CNTN5: variants seen among roughly 807,000 people sequenced by gnomAD.
The protein encoded by CNTN5 is contactin-5.
A neutral mutation model predicts 129.1 loss-of-function variants in CNTN5; 77 were observed. The ratio of observed to expected loss-of-function variants is 0.60; its 90% CI spans 0.50 to 0.72. The LOEUF (loss-of-function observed/expected upper bound fraction) is 0.72, where lower values mean the gene tolerates loss of function less well. Ranked by LOEUF, CNTN5 falls within the 30% of genes least tolerant of loss-of-function variation. CNTN5 has a pLI of 0.00. For synonymous variants in CNTN5, 509 were observed against 465.6 expected (o/e 1.09, Z -1.20); for missense variants, 1,478 against 1,328.8 (o/e 1.11, Z -1.75).
chr11:99,898,090 T>TGCC (rs1949256198), intron 6 of CNTN5, among the ~76,000 whole-genome samples: 1 of 151,714 alleles, frequency 6.6e-6, no homozygotes, highest in Admixed American at 6.6e-5. Flanking sequence ...TAAGAGGAAA[T>TGCC]TTTATAGCAT....
intron 9 of CNTN5, among the ~76,000 whole-genome samples, chr11:100,005,919 A>G (rs7113025): frequency 0.36 from 55,222 of 151,882 alleles, 11,168 homozygotes; most frequent in African/African-American, 0.54. Context: ...ATAAATCACT[A>G]TTTTTTATCA....
At chr11:99,545,715 T>G (rs1228354585) in intron 2 of CNTN5, among the ~76,000 whole-genome samples, 3 of 152,222 alleles carry the variant, frequency 2.0e-5, no homozygotes, top group Non-Finnish European at 4.4e-5. Flanking sequence ...AATTATATGT[T>G]GAAAACTATT....
chr11:99,933,216 C>G (rs891872927), intron 7 of CNTN5, among the ~76,000 whole-genome samples: 3 of 152,142 alleles, frequency 2.0e-5, no homozygotes, highest in Middle Eastern at 3.4e-3. Context: ...GAAATAGAAA[C>G]AAATAGAAAA....
chr11:99,121,135 C>CTT (rs575121058), intron 1 of CNTN5, among the ~76,000 whole-genome samples: 7 of 125,212 alleles, frequency 5.6e-5, no homozygotes, highest in South Asian at 4.9e-4. Context: ...TTCTTTCTTT[C>CTT]TTTTTTTTTT....
chr11:99,847,928 G>C (rs912225978), intron 6 of CNTN5, among the ~76,000 whole-genome samples: 1 of 152,024 alleles, frequency 6.6e-6, no homozygotes, highest in Admixed American at 6.6e-5. Context: ...AAATTAGTCC[G>C]CAGGCTGGGC....
intron 1 of CNTN5, among the ~76,000 whole-genome samples, chr11:99,323,867 G>A (rs1865671561): frequency 6.6e-6 from 1 of 151,918 alleles, no homozygotes; most frequent in South Asian, 2.1e-4. Flanking sequence ...AAGAATGAAG[G>A]GAGAAGAAAA....
intron 2 of CNTN5, among the ~76,000 whole-genome samples, chr11:99,480,904 G>A (rs1504727): frequency 0.97 from 148,365 of 152,230 alleles, 72,433 homozygotes; most frequent in East Asian, 1. Context: ...GAAGAGGATG[G>A]TTTTCGATTC....
chr11:99,723,777 C>T (rs555716868), intron 3 of CNTN5, among the ~76,000 whole-genome samples: 2 of 143,246 alleles, frequency 1.4e-5, no homozygotes, highest in South Asian at 2.3e-4. Context: ...TGTGTGCATG[C>T]GTGTGCATGC....
At chr11:99,801,541 A>G (rs1291250485) in intron 3 of CNTN5, among the ~76,000 whole-genome samples, 3 of 152,060 alleles carry the variant, frequency 2.0e-5, no homozygotes, top group Non-Finnish European at 4.4e-5. Flanking sequence ...GATAATTTAC[A>G]TTTTCTCCTT....
rs934292085 is a variant in CNTN5, at chr11:99,653,304, T to C, written c.55+97035T>C. 2.0e-5 allele frequency among the ~76,000 whole-genome samples: 3 copies of C among 152,168 alleles called. 1 individual carries two copies. Among genetic ancestry groups the C allele is most frequent in the Middle Eastern group, 6.8e-3 (2 of 294 alleles). ...GGTACATTTAGGGCAAGACATTTTT[T>C]TATAAGCTTGTTTATCTCATCTTTT... On this transcript the variant is annotated intron_variant, in intron 3 of 24. Coordinates refer to ENST00000524871, the MANE Select transcript of CNTN5 (RefSeq NM_014361.4).
chr11:99,598,332 C>T (rs1241607733), intron 3 of CNTN5, among the ~76,000 whole-genome samples: 8 of 5,426 alleles, frequency 1.5e-3, no homozygotes, highest in African/African-American at 6.1e-3. Flanking sequence ...TTCTGTCCCT[C>T]TCTCTCTCTC....
intron 9 of CNTN5, among the ~76,000 whole-genome samples, chr11:100,039,792 G>T (rs1056077894): frequency 1.3e-5 from 2 of 152,132 alleles, no homozygotes; most frequent in African/African-American, 4.8e-5. Context: ...TCGTCACGTA[G>T]CTCTCATGCC....
At chr11:99,510,068 C>T (rs1946777882) in intron 2 of CNTN5, among the ~76,000 whole-genome samples, 1 of 151,678 alleles carries the variant, frequency 6.6e-6, no homozygotes, top group Non-Finnish European at 1.5e-5. Flanking sequence ...TTGCGTAATA[C>T]TGGCAGATTA....
intron 3 of CNTN5, among the ~76,000 whole-genome samples, chr11:99,764,142 T>C (rs1944677037): frequency 6.6e-6 from 1 of 152,088 alleles, no homozygotes; most frequent in Non-Finnish European, 1.5e-5. Flanking sequence ...TTATAGACTA[T>C]ATGAGCAGAA....
intron 1 of CNTN5, among the ~76,000 whole-genome samples, chr11:99,064,235 C>T (rs1865008409): frequency 6.6e-6 from 1 of 152,158 alleles, no homozygotes; most frequent in South Asian, 2.1e-4. Context: ...TATGTTCTTA[C>T]TACTTTTCTT....
intron 7 of CNTN5, among the ~76,000 whole-genome samples, chr11:99,928,742 G>A (rs542632367): frequency 8.9e-4 from 136 of 152,228 alleles, no homozygotes; most frequent in African/African-American, 2.8e-3. Context: ...CTTCTCACAC[G>A]CTCTGGAGAC....
At chr11:99,312,752 A>G (rs1298382699) in intron 1 of CNTN5, among the ~76,000 whole-genome samples, 1 of 152,100 alleles carries the variant, frequency 6.6e-6, no homozygotes, top group Non-Finnish European at 1.5e-5. Context: ...CATTGTTATT[A>G]TATTCCAAAA....
chr11:99,660,137 G>T (rs592986), intron 3 of CNTN5, among the ~76,000 whole-genome samples: 103,620 of 151,902 alleles, frequency 0.68, 36,046 homozygotes, highest in Admixed American at 0.79. Flanking sequence ...AATCTATAAA[G>T]TTCTGGATGA....
chr11:100,006,169 A>C (rs1591040897), intron 9 of CNTN5, among the ~76,000 whole-genome samples: 1 of 152,302 alleles, frequency 6.6e-6, no homozygotes, highest in East Asian at 1.9e-4. Flanking sequence ...TGATTTAAAA[A>C]TATTTTACTG....
Sources: gnomAD v4.1 joint callset for allele counts (sites outside exome capture counted in the v4.1 genomes callset) on GRCh38, gnomAD v4.1.1 for gene constraint, MANE v1.5 for transcripts, NCBI Gene and HGNC (gene_info 2026-07-23, HGNC 2026-07-21) for gene names.